Variants in ZSCAN21 observed in about 807,000 individuals in gnomAD.
ZSCAN21 encodes zinc finger and SCAN domain-containing protein 21.
Under a neutral mutation model 35.6 loss-of-function variants are expected in ZSCAN21, and 26 were observed. That is an observed-to-expected ratio of 0.73 (90% confidence interval 0.54 to 1.01). The LOEUF is 1.01. ZSCAN21 is among the 50% of genes least tolerant of loss of function. The pLI is 0.00. For missense variants in ZSCAN21, 593 were observed against 587.1 expected (o/e 1.01, Z -0.10); for synonymous variants, 219 against 219.3 (o/e 1.00, Z 0.01).
intron 1 of ZSCAN21, among the ~76,000 whole-genome samples, chr7:100,055,703 C>T (rs867240911): frequency 1.3e-4 from 19 of 149,890 alleles, no homozygotes; most frequent in African/African-American, 2.5e-4. Context: ...TGCAGTGGCG[C>T]GATCTCTGTT....
intron 3 of ZSCAN21, among the ~76,000 whole-genome samples, chr7:100,060,485 C>G (rs903172529): frequency 6.6e-6 from 1 of 151,242 alleles, no homozygotes; most frequent in Non-Finnish European, 1.5e-5. Context: ...TCGCTTGAAG[C>G]CAGGAGGCGG....
chr7:100,064,820 G>T lies in ZSCAN21; in HGVS notation c.*203G>T, dbSNP rs1584393169. 1 of 1,614,198 alleles carries T rather than the reference G, an allele frequency of 6.2e-7. No individual in the cohort carries two copies. The highest frequency in any genetic ancestry group is 2.2e-5 in the East Asian group (1 of 44,882). On this transcript the variant is annotated 3_prime_UTR_variant, in exon 4 of 4. Coordinates refer to ENST00000292450, the MANE Select transcript of ZSCAN21 (RefSeq NM_145914.3). ...GTGTCAGGAGGTTCCACACTCGCCA[G>T]TTCACTGGAGCAGAGTCCCTTCGCC...
intron 3 of ZSCAN21, 100 bp downstream of exon 3, chr7:100,057,990 T>C: frequency 8.7e-7 from 1 of 1,147,348 alleles, no homozygotes; most frequent in Non-Finnish European, 1.2e-6. Context: ...ATTTCATAGA[T>C]TGACTTGATT....
In ZSCAN21 at chr7:100,062,595, CA is replaced by C. The variant is rs1422999901; in HGVS notation, c.593-1179del. Reference sequence around the variant, plus strand: ...GGACAACAGGAGCAAAACTCCATCTCAAAAAAAAAAAAAACATCTGGGCACG... The same window carrying C: ...GGACAACAGGAGCAAAACTCCATCTCAAAAAAAAAAAAACATCTGGGCACG... On this transcript the variant is annotated intron_variant, in intron 3 of 3. Transcript: ENST00000292450. 4.9e-3 allele frequency among the ~76,000 whole-genome samples: 546 copies of C among 112,290 alleles called. 3 individuals are homozygous for C. Among genetic ancestry groups the C allele is most frequent in the African/African-American group, 0.014 (438 of 31,896 alleles). The allele number at this position is 112,290 out of a possible 152,430, so 73.7% of individuals were successfully genotyped here. A position where few individuals can be genotyped will look rare whatever the true frequency, so the allele number is the denominator to read the frequency against.
chr7:100,057,477 C>G (rs1792120467), intron 2 of ZSCAN21, 72 bp downstream of exon 2: 3 of 1,486,684 alleles, frequency 2.0e-6, no homozygotes, highest in Non-Finnish European at 2.7e-6. Context: ...AAGGGTTTGT[C>G]CATACATTAA....
At position 100,064,544 on chromosome 7, in the gene ZSCAN21, G is replaced by A. The variant is rs138771571; in HGVS notation, c.1349G>A (p.Gly450Glu). The A allele has an allele frequency of 6.2e-7, 1 of 1,614,186 alleles. No homozygotes were observed. Among genetic ancestry groups the A allele is most frequent in the Non-Finnish European group, 8.5e-7 (1 of 1,180,036 alleles). The change falls in exon 4 of 4, where the codon GGA becomes GAA. Residue 450 changes from glycine (G) to glutamate (E), a missense_variant. Coordinates refer to ENST00000292450, the MANE Select transcript of ZSCAN21 (RefSeq NM_145914.3). ...AAGCCCTACTGGTGTCATCACTGTG[G>A]AAAGACCTTCTGTAGCAAGTCCAAT... ...GEKPYWCHHC[G>E]KTFCSKSNLS...
Position 100,057,088 on chromosome 7 carries a change from G to A in ZSCAN21, c.82G>A (p.Val28Ile), listed in dbSNP as rs1259917817. 2 of 1,614,022 alleles carry A rather than the reference G, an allele frequency of 1.2e-6. No individual in the cohort carries two copies. The highest frequency in any genetic ancestry group is 2.7e-5 in the African/African-American group (2 of 74,920). ...GCAGGTGGGGCCTCTGATGGTAAAAGTCGAGGAGAAAGAAGAGAAAGGCAA... is the reference window on the plus strand; with the variant it reads ...GCAGGTGGGGCCTCTGATGGTAAAAATCGAGGAGAAAGAAGAGAAAGGCAA... Reference protein sequence around the residue: ...QEQVGPLMVKVEEKEEKGKYL... With the variant: ...QEQVGPLMVKIEEKEEKGKYL... The change falls in exon 2 of 4, where the codon GTC (valine) becomes ATC (isoleucine). Residue 28 changes from valine to isoleucine, a missense_variant. Coordinates refer to ENST00000292450, the MANE Select transcript of ZSCAN21 (RefSeq NM_145914.3).
At position 100,057,193 on chromosome 7, in the gene ZSCAN21, C is replaced by G; in HGVS notation, c.187C>G (p.Leu63Val). The change falls in exon 2 of 4, where the codon CTG becomes GTG. Residue 63 changes from leucine to valine, a missense_variant. Transcript: ENST00000292450. ...TGATACCCCTGGACCCCGAGAGGCCCTGAGCCAACTCCGGGTGCTCTGCTG... is the reference window on the plus strand; with the variant it reads ...TGATACCCCTGGACCCCGAGAGGCCGTGAGCCAACTCCGGGTGCTCTGCTG... Reference protein sequence around the residue: ...YHDTPGPREALSQLRVLCCEW... With the variant: ...YHDTPGPREAVSQLRVLCCEW... 1 of 1,613,882 alleles carries G rather than the reference C, an allele frequency of 6.2e-7. No homozygotes were observed. Among genetic ancestry groups the G allele is most frequent in the Middle Eastern group, 1.7e-4 (1 of 5,910 alleles).
At chr7:100,060,304 C>T (rs567733153) in intron 3 of ZSCAN21, among the ~76,000 whole-genome samples, 1 of 152,150 alleles carries the variant, frequency 6.6e-6, no homozygotes, top group African/African-American at 2.4e-5. Flanking sequence ...TGGCTCACAC[C>T]GGTCATCCCA....
intron 1 of ZSCAN21, among the ~76,000 whole-genome samples, chr7:100,053,519 TTACA>T (rs56855067): frequency 2.0e-4 from 20 of 101,838 alleles, no homozygotes; most frequent in South Asian, 9.9e-4. Flanking sequence ...AGGAGGGCTC[TTACA>T]TACATACATA....
At chr7:100,051,178 C>CAAAAAAAAAAAAAAAA (rs369246193) in intron 1 of ZSCAN21, among the ~76,000 whole-genome samples, 436 of 41,346 alleles carry the variant, frequency 0.011, 32 homozygotes, top group Non-Finnish European at 0.014. Flanking sequence ...AACTACGTCT[C>CAAAAAAAAAAAAAAAA]AAAAAAAAAA....
Position 100,064,229 on chromosome 7 carries a change from C to T in ZSCAN21, c.1034C>T (p.Ser345Leu). 6.2e-7 allele frequency: 1 copy of T among 1,614,130 alleles called. No individual in the cohort carries two copies. Among genetic ancestry groups the T allele is most frequent in the Non-Finnish European group, 8.5e-7 (1 of 1,180,026 alleles). ...CKCGKAFGQSSDLLKHQRMHT... is the reference protein window; with the variant it reads ...CKCGKAFGQSLDLLKHQRMHT... Reference sequence around the variant, plus strand: ...TGTGGAAAAGCTTTTGGGCAGAGCTCAGACCTTCTTAAACATCAGAGAATG... The same window carrying T: ...TGTGGAAAAGCTTTTGGGCAGAGCTTAGACCTTCTTAAACATCAGAGAATG... Residue 345 changes from serine (S) to leucine (L), a missense_variant, in exon 4 of 4, where the codon TCA becomes TTA. Ser to Leu is a moderately radical substitution (Grantham distance 145, BLOSUM62 -2). Transcript: ENST00000292450.
chr7:100,056,409 T>C (rs1792076225), intron 1 of ZSCAN21, among the ~76,000 whole-genome samples: 1 of 152,208 alleles, frequency 6.6e-6, no homozygotes, highest in South Asian at 2.1e-4. Context: ...CATTGCACTT[T>C]TTAGGAAAGT....
At chr7:100,054,367 A>G (rs1370915470) in intron 1 of ZSCAN21, among the ~76,000 whole-genome samples, 3 of 151,006 alleles carry the variant, frequency 2.0e-5, no homozygotes, top group Non-Finnish European at 4.4e-5. Flanking sequence ...CTCATGTCTC[A>G]GCCTCCCATG....
In ZSCAN21 at chr7:100,049,847, C is replaced by G. The variant is rs1184560944; in HGVS notation, c.-97+6C>G. 6.6e-6 allele frequency: 1 copy of G among 152,348 alleles called. No homozygotes were observed. The highest frequency in any genetic ancestry group is 1.5e-5 in the Non-Finnish European group (1 of 68,144). 9.4% of individuals were successfully genotyped at this position (152,348 alleles called of 1,614,324 possible). A position where few individuals can be genotyped will look rare whatever the true frequency, so the allele number is the denominator to read the frequency against. On this transcript the variant is annotated splice_donor_region_variant and intron_variant, in intron 1 of 3. Transcript: ENST00000292450. Reference sequence around the variant, plus strand: ...CGGAGCGGCTCTGATTCATGGTGAGCCTGCTGGTCGCGGGTTAGCGAGGCG... The same window carrying G: ...CGGAGCGGCTCTGATTCATGGTGAGGCTGCTGGTCGCGGGTTAGCGAGGCG...
chr7:100,054,913 C>G (rs1792020140), intron 1 of ZSCAN21, among the ~76,000 whole-genome samples: 1 of 148,634 alleles, frequency 6.7e-6, no homozygotes, highest in Non-Finnish European at 1.5e-5. Flanking sequence ...AGAATGTTAG[C>G]ACTAAAGTCC....
Position 100,064,942 on chromosome 7 carries a change from T to C in ZSCAN21, c.*325T>C, listed in dbSNP as rs1584393727. ...TTAAGGAAGAAACATTAAGATTGTT[T>C]AATTTTTAACATATATTCAAGAATT... On this transcript the variant is annotated 3_prime_UTR_variant, in exon 4 of 4. Coordinates refer to ENST00000292450, the MANE Select transcript of ZSCAN21 (RefSeq NM_145914.3). The C allele has an allele frequency of 1.2e-6, 2 of 1,609,004 alleles. No homozygotes were observed. Among genetic ancestry groups the C allele is most frequent in the South Asian group, 2.2e-5 (2 of 90,164 alleles).
At position 100,056,948 on chromosome 7, in the gene ZSCAN21, G is replaced by T; in HGVS notation, c.-59G>T. The T allele has an allele frequency of 6.7e-7, 1 of 1,485,414 alleles. No homozygotes were observed. Among genetic ancestry groups the T allele is most frequent in the Non-Finnish European group, 9.0e-7 (1 of 1,113,828 alleles). The allele number at this position is 1,485,414 out of a possible 1,614,324, so 92.0% of individuals were successfully genotyped here. A position where few individuals can be genotyped will look rare whatever the true frequency, so the allele number is the denominator to read the frequency against. On this transcript the variant is annotated 5_prime_UTR_variant, in exon 2 of 4. Transcript: ENST00000292450. The stretch of plus-strand genomic sequence containing the variant: ...GCCCTAAAGAACTGGAAACCCAAAG[G>T]AACGAATATTCCTGCCCCACAGAGT...
At chr7:100,051,282 CTTTTTTTTTTTTTTTTT>C (rs1164734568) in intron 1 of ZSCAN21, among the ~76,000 whole-genome samples, 6 of 34,948 alleles carry the variant, frequency 1.7e-4, no homozygotes, top group African/African-American at 6.3e-4. Flanking sequence ...TAGGGATTTT[CTTTTTTTTTTTTTTTTT>C]TTTTTTTTTT....
Sources: gnomAD v4.1 joint callset for allele counts (sites outside exome capture counted in the v4.1 genomes callset) on GRCh38, gnomAD v4.1.1 for gene constraint, MANE v1.5 for transcripts, NCBI Gene and HGNC (gene_info 2026-07-23, HGNC 2026-07-21) for gene names.